Variants in RALGAPA2 observed in about 807,000 individuals in gnomAD.
The protein encoded by RALGAPA2 is ral GTPase-activating protein subunit alpha-2.
RALGAPA2 carries 139 observed loss-of-function variants against 230.4 expected under a neutral mutation model. The observed-to-expected ratio is 0.60, with a 90% CI of 0.53 to 0.69. The LOEUF is 0.69. Ranked by LOEUF, RALGAPA2 falls within the 30% of genes least tolerant of loss-of-function variation. The pLI is 0.00. For synonymous variants in RALGAPA2, 847 were observed against 837.8 expected (o/e 1.01, Z -0.19); for missense variants, 2,163 against 2,276.0 (o/e 0.95, Z 1.01).
At chr20:20,573,965 T>C (rs2064737718) in intron 20 of RALGAPA2, among the ~76,000 whole-genome samples, 1 of 152,228 alleles carries the variant, frequency 6.6e-6, no homozygotes, top group Non-Finnish European at 1.5e-5. Flanking sequence ...GTGAGATTCC[T>C]GGGTCCGGTC....
At chr20:20,711,657 G>C (rs2069877670) in intron 1 of RALGAPA2, among the ~76,000 whole-genome samples, 1 of 152,042 alleles carries the variant, frequency 6.6e-6, no homozygotes. Flanking sequence ...GAAGGTGGCA[G>C]ACAGCATCAC....
At chr20:20,533,733 G>T (rs1602682076) in intron 26 of RALGAPA2, among the ~76,000 whole-genome samples, 1 of 152,250 alleles carries the variant, frequency 6.6e-6, no homozygotes, top group East Asian at 1.9e-4. Context: ...TGACTACCTA[G>T]TGGGTCATTA....
rs114314836 is a variant in RALGAPA2 at position 20,672,334 on chromosome 20, T to C, written c.270+3902A>G. Among the ~76,000 whole-genome samples, 1,289 of 152,236 alleles carry C rather than the reference T, an allele frequency of 8.5e-3. 18 individuals are homozygous for C. The highest frequency in any genetic ancestry group is 0.03 in the African/African-American group (1,226 of 41,522). On this transcript the variant is annotated intron_variant, in intron 3 of 39. Transcript: ENST00000202677. Reference sequence around the variant, plus strand: ...CACTGTGAATGAGAGGCAGCTGAAATAACCAGCATAATTAGACAAACACTT... The same window carrying C: ...CACTGTGAATGAGAGGCAGCTGAAACAACCAGCATAATTAGACAAACACTT...
intron 37 of RALGAPA2, among the ~76,000 whole-genome samples, chr20:20,453,810 C>T (rs1361187461): frequency 1.3e-5 from 2 of 152,054 alleles, no homozygotes; most frequent in South Asian, 2.1e-4. Context: ...AGGAAATGGC[C>T]GATGGGTATT....
At chr20:20,600,430 A>G (rs561254133) in intron 16 of RALGAPA2, among the ~76,000 whole-genome samples, 3 of 152,368 alleles carry the variant, frequency 2.0e-5, no homozygotes, top group South Asian at 4.1e-4. Flanking sequence ...CTCAGGGGAG[A>G]GAATGACAGA....
chr20:20,636,049 T>G (rs1373756288), intron 8 of RALGAPA2, among the ~76,000 whole-genome samples: 3 of 152,218 alleles, frequency 2.0e-5, no homozygotes, highest in Admixed American at 6.5e-5. Flanking sequence ...AGTGATTAAA[T>G]CCACTGAACT....
chr20:20,432,924 G>A (rs919612155), intron 37 of RALGAPA2, among the ~76,000 whole-genome samples: 1 of 152,210 alleles, frequency 6.6e-6, no homozygotes, highest in Non-Finnish European at 1.5e-5. Context: ...CTTGGTGCAT[G>A]GGCAGAGCCT....
intron 15 of RALGAPA2, among the ~76,000 whole-genome samples, chr20:20,602,479 G>C (rs1247981743): frequency 6.6e-6 from 1 of 152,228 alleles, no homozygotes; most frequent in African/African-American, 2.4e-5. Context: ...AAGAAATAGA[G>C]GAGGAAAGAG....
chr20:20,455,409 G>A (rs975175083), intron 37 of RALGAPA2, among the ~76,000 whole-genome samples: 2 of 152,198 alleles, frequency 1.3e-5, no homozygotes, highest in Non-Finnish European at 2.9e-5. Context: ...AAAGAGCTGG[G>A]GGATCGGGCC....
At position 20,605,270 on chromosome 20, in the gene RALGAPA2, G is replaced by A; in HGVS notation, c.1943C>T (p.Thr648Ile). The change falls in exon 15 of 40, where the codon ACA becomes ATA. Residue 648 changes from threonine (T) to isoleucine (I), a missense_variant. By Grantham distance (89) the Thr-to-Ile change is moderately conservative. Transcript: ENST00000202677. ...ATAAACGGTTCTTGCAAGCACTGCTGTCAAGGAGTCCATAATGTTGGCCCA... is the reference window on the plus strand; with the variant it reads ...ATAAACGGTTCTTGCAAGCACTGCTATCAAGGAGTCCATAATGTTGGCCCA... ...NEWANIMDSL[T>I]AVLARTVYGV... 1 of 1,613,816 alleles carries A rather than the reference G, an allele frequency of 6.2e-7. No homozygotes were observed. Among genetic ancestry groups the A allele is most frequent in the Non-Finnish European group, 8.5e-7 (1 of 1,179,828 alleles).
chr20:20,624,669 T>C (rs1307124706), intron 10 of RALGAPA2, among the ~76,000 whole-genome samples: 1 of 152,146 alleles, frequency 6.6e-6, no homozygotes. Flanking sequence ...AGGAAACCCA[T>C]AGTGCTATCT....
In RALGAPA2 at chr20:20,398,845, T is replaced by C. The variant is rs2059772445; in HGVS notation, c.5618-2111A>G. ...AGATGAAACCGCTGCCTCCAGGGGA[T>C]CTGGGAGAAAAGTTACAGCATGCAG... On this transcript the variant is annotated intron_variant, in intron 38 of 39. Transcript: ENST00000202677. The surrounding 1 kb of genome is among the most constrained non-coding windows in gnomAD (Gnocchi z 4.5). Among the ~76,000 whole-genome samples, 1 of 152,140 alleles carries C rather than the reference T, an allele frequency of 6.6e-6. No homozygotes were observed. The highest frequency in any genetic ancestry group is 2.1e-4 in the South Asian group (1 of 4,828).
rs1416872771 is a variant in RALGAPA2, at chr20:20,437,097, T to G, written c.5496-24949A>C. On this transcript the variant is annotated intron_variant, in intron 37 of 39. Transcript: ENST00000202677. This position sits in a 1 kb window ranked among gnomAD's most constrained non-coding sequence, Gnocchi z 4.1. Reference sequence around the variant, plus strand: ...TCTGAACACAAACCATCTGTTCACATGGGAATACATAATATGTATAATTTC... The same window carrying G: ...TCTGAACACAAACCATCTGTTCACAGGGGAATACATAATATGTATAATTTC... Among the ~76,000 whole-genome samples, 1 of 152,096 alleles carries G rather than the reference T, an allele frequency of 6.6e-6. No individual in the cohort carries two copies. Among genetic ancestry groups the G allele is most frequent in the South Asian group, 2.1e-4 (1 of 4,824 alleles).
chr20:20,428,762 A>T (rs900445127), intron 37 of RALGAPA2, among the ~76,000 whole-genome samples: 2 of 17,708 alleles, frequency 1.1e-4, no homozygotes, highest in Non-Finnish European at 2.2e-4. Context: ...CCATCCACCC[A>T]CCCACCCACC....
At chr20:20,673,706 TA>T (rs961647270) in intron 3 of RALGAPA2, among the ~76,000 whole-genome samples, 4 of 151,482 alleles carry the variant, frequency 2.6e-5, no homozygotes, top group Admixed American at 1.3e-4. Context: ...ATAGGAAAGG[TA>T]AAAAAAACAT....
chr20:20,552,851 T>A (rs1041860265), intron 23 of RALGAPA2, among the ~76,000 whole-genome samples: 26 of 152,138 alleles, frequency 1.7e-4, no homozygotes, highest in African/African-American at 6.3e-4. Flanking sequence ...CTCTGCTCCT[T>A]CAGCTTAGGG....
chr20:20,635,572 C>T lies in RALGAPA2; in HGVS notation c.851G>A (p.Arg284Gln), dbSNP rs375924938. The change falls in exon 9 of 40, where the codon CGA (arginine) becomes CAA (glutamine). Residue 284 changes from arginine (R) to glutamine (Q), a missense_variant. Arg to Gln is a conservative substitution (Grantham distance 43). Transcript: ENST00000202677. The part of the protein sequence containing the change: ...RPKPVYITTT[R>Q]DNENIYSTKI... Reference sequence around the variant, plus strand: ...TGTACTGTAAATGTTCTCATTGTCTCGAGTGGTAGTAATGTACACAGGCTT... The same window carrying T: ...TGTACTGTAAATGTTCTCATTGTCTTGAGTGGTAGTAATGTACACAGGCTT... 6 of 1,579,302 alleles carry T rather than the reference C, an allele frequency of 3.8e-6. No individual in the cohort carries two copies. Among genetic ancestry groups the T allele is most frequent in the South Asian group, 1.2e-5 (1 of 84,394 alleles).
At chr20:20,653,430 C>A in intron 4 of RALGAPA2, 100 bp downstream of exon 4, 1 of 723,952 alleles carries the variant, frequency 1.4e-6, no homozygotes, top group Non-Finnish European at 2.3e-6. Flanking sequence ...ATTAATATTC[C>A]TTTCTATAAG....
At chr20:20,483,971 G>A (rs1324446010) in intron 36 of RALGAPA2, among the ~76,000 whole-genome samples, 3 of 152,166 alleles carry the variant, frequency 2.0e-5, no homozygotes, top group Non-Finnish European at 1.5e-5. Context: ...GCTATCAGGG[G>A]TGTCCTGCAT....
Sources: gnomAD v4.1 joint callset for allele counts (sites outside exome capture counted in the v4.1 genomes callset) on GRCh38, gnomAD v4.1.1 for gene constraint, Gnocchi (gnomAD v3.1) non-coding constraint, MANE v1.5 for transcripts, NCBI Gene and HGNC (gene_info 2026-07-23, HGNC 2026-07-21) for gene names.